LAMA2: variants seen among roughly 807,000 people sequenced by gnomAD.
LAMA2 encodes the protein laminin subunit alpha-2.
A neutral mutation model predicts 364.8 loss-of-function variants in LAMA2; 269 were observed. The observed-to-expected ratio is 0.74, with a 90% CI of 0.67 to 0.82. The LOEUF is 0.82. Among genes scored for constraint, LAMA2 ranks in the 40% least tolerant of loss-of-function variants. The pLI is 0.00. For missense variants in LAMA2, 3,807 were observed against 3,873.2 expected (o/e 0.98, Z 0.45); for synonymous variants, 1,379 against 1,370.6 (o/e 1.01, Z -0.14).
At chr6:129,417,122 T>A (rs1437200071) in intron 40 of LAMA2, among the ~76,000 whole-genome samples, 7 of 152,042 alleles carry the variant, frequency 4.6e-5, no homozygotes, top group Non-Finnish European at 1.0e-4. Flanking sequence ...GAAGGGGGTG[T>A]GTTTCAACCC....
intron 12 of LAMA2, among the ~76,000 whole-genome samples, chr6:129,222,045 C>CTTTT (rs1783890373): frequency 6.6e-6 from 1 of 152,032 alleles, no homozygotes; most frequent in Non-Finnish European, 1.5e-5. Context: ...AATATAAACA[C>CTTTT]AAAATTCAGC....
chr6:129,355,422 A>G (rs1480394878), intron 32 of LAMA2, among the ~76,000 whole-genome samples: 1 of 152,212 alleles, frequency 6.6e-6, no homozygotes, highest in Non-Finnish European at 1.5e-5. Flanking sequence ...TTTTGAAATC[A>G]GATAAAATAA....
chr6:128,954,265 A>AT (rs1781010827), intron 1 of LAMA2, among the ~76,000 whole-genome samples: 1 of 151,992 alleles, frequency 6.6e-6, no homozygotes, highest in Admixed American at 6.6e-5. Flanking sequence ...GACGGCTATC[A>AT]TTTTAGCTGT....
chr6:129,373,131 A>T (rs1053072274), intron 34 of LAMA2, among the ~76,000 whole-genome samples: 5 of 152,068 alleles, frequency 3.3e-5, no homozygotes. Context: ...AGAAGTTTTT[A>T]ATTGTAACGA....
intron 37 of LAMA2, among the ~76,000 whole-genome samples, chr6:129,400,502 T>C (rs1030416218): frequency 3.9e-5 from 6 of 152,192 alleles, no homozygotes; most frequent in Non-Finnish European, 7.3e-5. Flanking sequence ...ATTGATGCAG[T>C]TAAATCTGTA....
intron 12 of LAMA2, among the ~76,000 whole-genome samples, chr6:129,201,022 TA>T (rs1782252186): frequency 6.6e-6 from 1 of 152,178 alleles, no homozygotes; most frequent in Non-Finnish European, 1.5e-5. Flanking sequence ...CATAATTGAA[TA>T]ATAGTATCTA....
rs1285304144 is a variant in LAMA2, at chr6:129,042,491, TA to T, written c.113-7425del. 2.6e-5 allele frequency among the ~76,000 whole-genome samples: 4 copies of T among 152,116 alleles called. 1 individual carries two copies. The highest frequency in any genetic ancestry group is 2.6e-4 in the Admixed American group (4 of 15,250). On this transcript the variant is annotated intron_variant, in intron 1 of 64. Transcript: ENST00000421865. ...ATCATTAACTGGAGTTAAATACTGC[TA>T]ATTTTTTTCAAGCTCAAATTTATCT... is the stretch of plus-strand genomic sequence containing the variant.
At chr6:129,487,455 G>A (rs1439427315) in intron 56 of LAMA2, among the ~76,000 whole-genome samples, 1 of 152,112 alleles carries the variant, frequency 6.6e-6, no homozygotes, top group Non-Finnish European at 1.5e-5. Flanking sequence ...AGACCTCCAA[G>A]CCAGCAATCC....
intron 4 of LAMA2, among the ~76,000 whole-genome samples, chr6:129,134,961 A>G (rs982872500): frequency 6.6e-6 from 1 of 152,170 alleles, no homozygotes. Context: ...GCTTAGTGAC[A>G]TTTGTACTCT....
chr6:129,192,920 G>T, intron 12 of LAMA2, 67 bp downstream of exon 12: 1 of 1,465,466 alleles, frequency 6.8e-7, no homozygotes. Context: ...GTTTTAGTTG[G>T]TAATTCTTTT....
chr6:128,897,969 C>T (rs1193257040), intron 1 of LAMA2, among the ~76,000 whole-genome samples: 1 of 152,190 alleles, frequency 6.6e-6, no homozygotes, highest in African/African-American at 2.4e-5. Flanking sequence ...TGGCTGAGTG[C>T]TGTTGCAATA....
At chr6:129,048,614 CT>C (rs1296778351) in intron 1 of LAMA2, among the ~76,000 whole-genome samples, 1 of 148,132 alleles carries the variant, frequency 6.8e-6, no homozygotes, top group Non-Finnish European at 1.5e-5. Flanking sequence ...TTCTCTCTCT[CT>C]CTCTCTCTCT....
At chr6:129,069,834 TAATTATATAC>T (rs1278776418) in intron 3 of LAMA2, among the ~76,000 whole-genome samples, 5 of 124,712 alleles carry the variant, frequency 4.0e-5, no homozygotes, top group African/African-American at 1.2e-4. Context: ...GTATAATATA[TAATTATATAC>T]AATTATATTA....
intron 3 of LAMA2, among the ~76,000 whole-genome samples, chr6:129,092,443 G>A (rs765453826): frequency 1.6e-4 from 24 of 152,110 alleles, no homozygotes; most frequent in African/African-American, 3.1e-4. Context: ...GAAAGCCACC[G>A]TTCCTATTTG....
At chr6:129,506,172 G>A (rs1786057885) in intron 61 of LAMA2, among the ~76,000 whole-genome samples, 1 of 151,688 alleles carries the variant, frequency 6.6e-6, no homozygotes, top group Non-Finnish European at 1.5e-5. Context: ...GGCCATCATA[G>A]CAAAACCCTG....
intron 35 of LAMA2, among the ~76,000 whole-genome samples, chr6:129,386,874 C>A (rs145256640): frequency 2.8e-4 from 43 of 152,184 alleles, no homozygotes; most frequent in African/African-American, 1.0e-3. Flanking sequence ...TTTTGGGGAG[C>A]TTGTATTTTT....
At chr6:129,510,699 T>C (rs1464419708) in intron 62 of LAMA2, among the ~76,000 whole-genome samples, 2 of 152,018 alleles carry the variant, frequency 1.3e-5, no homozygotes, top group Admixed American at 1.3e-4. Context: ...TTAATTTTGT[T>C]TGGGGGATAT....
At chr6:128,946,986 A>C (rs1216282751) in intron 1 of LAMA2, among the ~76,000 whole-genome samples, 1 of 152,214 alleles carries the variant, frequency 6.6e-6, no homozygotes, top group Non-Finnish European at 1.5e-5. Context: ...TGGGCATTGA[A>C]TATTAACTTA....
intron 45 of LAMA2, among the ~76,000 whole-genome samples, chr6:129,449,196 G>A (rs968570905): frequency 3.9e-5 from 6 of 152,196 alleles, no homozygotes; most frequent in African/African-American, 1.4e-4. Context: ...GAATGTGTGA[G>A]AGCTGGGCAA....
Sources: gnomAD v4.1 joint callset for allele counts (sites outside exome capture counted in the v4.1 genomes callset) on GRCh38, gnomAD v4.1.1 for gene constraint, MANE v1.5 for transcripts, NCBI Gene and HGNC (gene_info 2026-07-23, HGNC 2026-07-21) for gene names.